The following ECT2L variants were observed in gnomAD, a reference collection of about 807,000 sequenced individuals.
The protein encoded by ECT2L is epithelial cell transforming 2 like.
ECT2L carries 126 observed loss-of-function variants against 122.8 expected under a neutral mutation model. That is an observed-to-expected ratio of 1.03 (90% CI 0.89 to 1.19). The LOEUF (loss-of-function observed/expected upper bound fraction) is 1.19, where lower values mean the gene tolerates loss of function less well. Ranked by LOEUF, ECT2L falls within the 50% of genes most tolerant of loss-of-function variation. ECT2L has a pLI of 0.00. For missense variants in ECT2L, 1,012 were observed against 1,064.1 expected (o/e 0.95, Z 0.68); for synonymous variants, 385 against 381.8 (o/e 1.01, Z -0.10).
intron 10 of ECT2L, among the ~76,000 whole-genome samples, chr6:138,854,569 T>C (rs933492830): frequency 6.6e-6 from 1 of 152,202 alleles, no homozygotes; most frequent in African/African-American, 2.4e-5. Flanking sequence ...GCCAATGTCA[T>C]TGTTTAGCTT....
At chr6:138,860,707 AT>A (rs35611410) in intron 10 of ECT2L, among the ~76,000 whole-genome samples, 404 of 135,778 alleles carry the variant, frequency 3.0e-3, no homozygotes, top group Admixed American at 6.1e-3. Flanking sequence ...TGAAGGGGCT[AT>A]TTTTTTTTTT....
intron 20 of ECT2L, 144 bp from the exon 21 acceptor site, chr6:138,900,804 T>C (rs1174727070): frequency 2.3e-6 from 2 of 864,992 alleles, no homozygotes; most frequent in African/African-American, 3.4e-5. Context: ...AGGAATATTA[T>C]ACTGAGAACT....
At chr6:138,902,030 C>A (rs954388993) in intron 21 of ECT2L, among the ~76,000 whole-genome samples, 2 of 152,192 alleles carry the variant, frequency 1.3e-5, no homozygotes, top group Non-Finnish European at 1.5e-5. Flanking sequence ...TCCTTCAGTT[C>A]CCCTCCCACC....
intron 9 of ECT2L, among the ~76,000 whole-genome samples, chr6:138,850,174 C>T (rs1449066400): frequency 6.6e-6 from 1 of 150,754 alleles, no homozygotes; most frequent in Admixed American, 6.6e-5. Context: ...GAGTCTTGCT[C>T]TTGTCGCCCA....
At chr6:138,873,075 T>C (rs1224385388) in intron 13 of ECT2L, among the ~76,000 whole-genome samples, 33 of 152,236 alleles carry the variant, frequency 2.2e-4, no homozygotes, top group Admixed American at 2.2e-3. Context: ...TTCAACTGGC[T>C]ATTGATCCGA....
intron 5 of ECT2L, among the ~76,000 whole-genome samples, chr6:138,841,681 C>T (rs1161703433): frequency 6.6e-6 from 1 of 152,230 alleles, no homozygotes; most frequent in African/African-American, 2.4e-5. Context: ...TTGGAACTGA[C>T]AAATGCCTTG....
chr6:138,844,338 T>G, intron 6 of ECT2L, 74 bp from the exon 7 acceptor site: 1 of 1,510,730 alleles, frequency 6.6e-7, no homozygotes, highest in Non-Finnish European at 9.0e-7. Flanking sequence ...TTATTTTTGA[T>G]GCCTTTATCT....
chr6:138,825,695 A>G lies in ECT2L; in HGVS notation c.179+11092A>G, dbSNP rs137934598. 3.2e-3 allele frequency among the ~76,000 whole-genome samples: 489 copies of G among 152,334 alleles called. 4 individuals are homozygous for G. The highest frequency in any genetic ancestry group is 7.5e-3 in the Admixed American group (115 of 15,300). On this transcript the variant is annotated intron_variant, in intron 4 of 21. Coordinates refer to ENST00000541398, the MANE Select transcript of ECT2L (RefSeq NM_001077706.3). ...CCTTTTTACACTTCTGTGCATTCGT[A>G]TGACTATATATGGATCCGATTAGAC...
At chr6:138,798,606 T>G (rs1368565874) in intron 1 of ECT2L, among the ~76,000 whole-genome samples, 1 of 152,194 alleles carries the variant, frequency 6.6e-6, no homozygotes, top group Non-Finnish European at 1.5e-5. Flanking sequence ...CCATCCTTCT[T>G]TTGACTAAGC....
At chr6:138,836,284 T>A (rs1372606212) in intron 4 of ECT2L, among the ~76,000 whole-genome samples, 1 of 145,672 alleles carries the variant, frequency 6.9e-6, no homozygotes, top group African/African-American at 2.6e-5. Context: ...TTAGCATTCA[T>A]TAATCTTTTT....
At chr6:138,803,040 G>A (rs1243907671) in intron 1 of ECT2L, among the ~76,000 whole-genome samples, 2 of 151,084 alleles carry the variant, frequency 1.3e-5, no homozygotes, top group Non-Finnish European at 2.9e-5. Context: ...TGCACCACTT[G>A]CACTCCAACC....
chr6:138,876,670 T>TAAA (rs10708030), intron 14 of ECT2L, 112 bp downstream of exon 14: 11 of 468,668 alleles, frequency 2.3e-5, no homozygotes, highest in Middle Eastern at 5.9e-4. Flanking sequence ...TTTGGGGGAT[T>TAAA]AAAAAAAAAA....
intron 16 of ECT2L, 84 bp from the exon 17 acceptor site, chr6:138,885,422 T>TGA: frequency 7.3e-7 from 1 of 1,372,382 alleles, no homozygotes. Flanking sequence ...GCTTCAGGCA[T>TGA]TCCATAGATC....
At chr6:138,895,640 G>A (rs1370773513) in intron 20 of ECT2L, among the ~76,000 whole-genome samples, 1 of 151,402 alleles carries the variant, frequency 6.6e-6, no homozygotes, top group Non-Finnish European at 1.5e-5. Context: ...GTGTGATCTC[G>A]GCTCACTGCA....
rs1370888511 is a variant in ECT2L, at chr6:138,902,499, G to A, written c.2588-1G>A. 1 of 1,612,006 alleles carries A rather than the reference G, an allele frequency of 6.2e-7. No individual in the cohort carries two copies. The highest frequency in any genetic ancestry group is 1.1e-5 in the South Asian group (1 of 90,674). ...TTAGTATACCTCAAATGCTTTTACA[G>A]ATGTCAAGAATGCATTTATTCTTCA... On this transcript the variant is annotated splice_acceptor_variant, in intron 21 of 21. Transcript: ENST00000541398. LOFTEE classifies it high-confidence loss of function.
At chr6:138,840,996 A>G (rs984116013) in intron 5 of ECT2L, among the ~76,000 whole-genome samples, 1 of 152,120 alleles carries the variant, frequency 6.6e-6, no homozygotes, top group African/African-American at 2.4e-5. Context: ...CTTTGGACCT[A>G]TCTTTCAGTT....
In ECT2L at chr6:138,901,105, AT is replaced by A; in HGVS notation, c.2574del (p.Pro859GlnfsTer25). On this transcript the variant is annotated frameshift_variant, in exon 21 of 22. Coordinates refer to ENST00000541398, the MANE Select transcript of ECT2L (RefSeq NM_001077706.3). LOFTEE classifies it high-confidence loss of function. ...CCTTCATCGGTTACTCATAGAAAAT[AT>A]TCCAGATTCCAAGTGTATGTATTCT... ...VALHRLLIEN[I>X]PDSKYVKNAF... 6.2e-7 allele frequency: 1 copy of A among 1,614,060 alleles called. No homozygotes were observed. The highest frequency in any genetic ancestry group is 1.1e-5 in the South Asian group (1 of 91,052).
intron 4 of ECT2L, among the ~76,000 whole-genome samples, chr6:138,819,269 A>C (rs1776187035): frequency 6.6e-6 from 1 of 151,512 alleles, no homozygotes; most frequent in Non-Finnish European, 1.5e-5. Context: ...ATTGCGTTTT[A>C]AAAGGAAGGG....
At position 138,849,309 on chromosome 6, in the gene ECT2L, T is replaced by TA. The variant is rs1207539783; in HGVS notation, c.945dup (p.Tyr316IlefsTer2). On this transcript the variant is annotated frameshift_variant, in exon 9 of 22. Transcript: ENST00000541398. LOFTEE classifies it high-confidence loss of function. ...GTGAAGGCTGGTGTTGTTTCTGTGG[T>TA]ATATGAACACAGCGTAACCTTGGAA... The TA allele has an allele frequency of 1.9e-6, 3 of 1,613,840 alleles. No homozygotes were observed. The highest frequency in any genetic ancestry group is 2.5e-6 in the Non-Finnish European group (3 of 1,179,944).
Sources: allele counts gnomAD v4.1 joint callset (sites outside exome capture counted in the v4.1 genomes callset), GRCh38; gene constraint gnomAD v4.1.1; transcripts MANE v1.5; gene names NCBI Gene and HGNC (gene_info 2026-07-23, HGNC 2026-07-21).